Variants in SAP130 observed in about 807,000 individuals in gnomAD.
SAP130 encodes the protein Sin3A associated protein 130, also known as histone deacetylase complex subunit SAP130.
In SAP130, 16 loss-of-function variants were observed where a neutral mutation model predicts 103.2. The ratio of observed to expected loss-of-function variants is 0.16; its 90% CI spans 0.10 to 0.24. The LOEUF (loss-of-function observed/expected upper bound fraction) is 0.24. Ranked by LOEUF, SAP130 falls within the 10% of genes least tolerant of loss-of-function variation. The pLI, the probability that SAP130 is intolerant of heterozygous loss-of-function variation, is 1.00. For synonymous variants in SAP130, 477 were observed against 497.0 expected (o/e 0.96, Z 0.53); for missense variants, 990 against 1,359.7 (o/e 0.73, Z 4.28).
chr2:127,947,769 T>TGTGTGA lies in SAP130; in HGVS notation c.2797+2099_2797+2100insTCACAC, dbSNP rs200856435. 3.0e-4 allele frequency among the ~76,000 whole-genome samples: 44 copies of TGTGTGA among 147,744 alleles called. 1 individual carries two copies. Among genetic ancestry groups the TGTGTGA allele is most frequent in the African/African-American group, 5.3e-4 (20 of 37,892 alleles). ...TAATTTTGTATTGTGTGTGTCTGTG[T>TGTGTGA]GTGTGTGTGTGTGTGTGTGTGTGTG... On this transcript the variant is annotated intron_variant, in intron 18 of 20. Coordinates refer to ENST00000643581, the MANE Select transcript of SAP130 (RefSeq NM_001330301.2).
rs540646127 is a variant in SAP130 at position 127,962,851 on chromosome 2, A to T, written c.2064-7507T>A. Among the ~76,000 whole-genome samples, 294 of 152,054 alleles carry T rather than the reference A, an allele frequency of 1.9e-3. 3 individuals carry two copies. The highest frequency in any genetic ancestry group is 6.7e-3 in the African/African-American group (277 of 41,492). Reference sequence around the variant, plus strand: ...TATGTAACAAACCTGCACGTTGTGCACATGTACCCTAAAACTTAAAGTATA... The same window carrying T: ...TATGTAACAAACCTGCACGTTGTGCTCATGTACCCTAAAACTTAAAGTATA... On this transcript the variant is annotated intron_variant, in intron 15 of 20. Transcript: ENST00000643581.
At chr2:127,958,008 C>A (rs953503959) in intron 15 of SAP130, among the ~76,000 whole-genome samples, 4 of 152,184 alleles carry the variant, frequency 2.6e-5, no homozygotes, top group Non-Finnish European at 5.9e-5. Context: ...ACTGAAGAGA[C>A]CACTGAGTAT....
chr2:127,957,674 T>TA (rs80302590), intron 15 of SAP130, among the ~76,000 whole-genome samples: 202 of 141,258 alleles, frequency 1.4e-3, no homozygotes, highest in Middle Eastern at 3.6e-3. Context: ...CCCTGCCTCT[T>TA]AAAAAAAAAA....
At chr2:128,008,096 C>T (rs190010327) in intron 7 of SAP130, among the ~76,000 whole-genome samples, 7 of 152,300 alleles carry the variant, frequency 4.6e-5, no homozygotes, top group Admixed American at 2.6e-4. Flanking sequence ...AGTGGTGCCC[C>T]GCCAGCTTCT....
chr2:127,987,828 T>A (rs1158962089), intron 13 of SAP130, among the ~76,000 whole-genome samples: 1 of 152,148 alleles, frequency 6.6e-6, no homozygotes, highest in Non-Finnish European at 1.5e-5. Flanking sequence ...AGAAACACAT[T>A]CAACTAACAG....
chr2:127,970,313 C>T (rs933574560), intron 15 of SAP130, among the ~76,000 whole-genome samples: 3 of 145,338 alleles, frequency 2.1e-5, no homozygotes, highest in Non-Finnish European at 3.0e-5. Context: ...GAGGCCGAGG[C>T]GGAGGGATCA....
At chr2:127,943,733 G>A (rs1559023930) in intron 19 of SAP130, among the ~76,000 whole-genome samples, 1 of 152,238 alleles carries the variant, frequency 6.6e-6, no homozygotes, top group Non-Finnish European at 1.5e-5. Context: ...TGCTCTGTGT[G>A]AGTCAGTGGG....
intron 5 of SAP130, among the ~76,000 whole-genome samples, chr2:128,013,831 A>G (rs901310642): frequency 3.3e-5 from 5 of 152,240 alleles, no homozygotes; most frequent in African/African-American, 4.8e-5. Context: ...TCAGGAGGCT[A>G]AAGTGGGAAG....
At chr2:127,957,561 C>A (rs949140421) in intron 15 of SAP130, among the ~76,000 whole-genome samples, 2 of 151,702 alleles carry the variant, frequency 1.3e-5, no homozygotes, top group African/African-American at 2.4e-5. Context: ...GTGGTCCTAG[C>A]GACTCTGGAG....
At chr2:128,010,499 G>C (rs1684315978) in intron 6 of SAP130, 106 bp from the exon 7 acceptor site, 1 of 1,094,946 alleles carries the variant, frequency 9.1e-7, no homozygotes, top group Non-Finnish European at 1.3e-6. Context: ...GCATGTTTCT[G>C]CCCAAGTAAA....
chr2:128,003,349 A>G (rs1683709351), intron 7 of SAP130, among the ~76,000 whole-genome samples: 1 of 151,620 alleles, frequency 6.6e-6, no homozygotes, highest in Non-Finnish European at 1.5e-5. Flanking sequence ...TCTATGAAAA[A>G]TAAAACAACT....
In SAP130 at chr2:127,989,424, T is replaced by G; in HGVS notation, c.1780+140A>C. 1 of 763,968 alleles carries G rather than the reference T, an allele frequency of 1.3e-6. No homozygotes were observed. Among genetic ancestry groups the G allele is most frequent in the East Asian group, 2.7e-5 (1 of 37,058 alleles). The allele number at this position is 763,968 out of a possible 1,614,324, so 47.3% of individuals were successfully genotyped here. On this transcript the variant is annotated intron_variant, in intron 13 of 20. Coordinates refer to ENST00000643581, the MANE Select transcript of SAP130 (RefSeq NM_001330301.2). This position sits in a 1 kb window ranked among gnomAD's most constrained non-coding sequence, Gnocchi z 4.6. ...ACAGTGACCCTGAAACTCTAAGTTC[T>G]AAGCAACTCATATTATTAATACAAA...
chr2:127,993,379 C>A, intron 11 of SAP130, 71 bp from the exon 12 acceptor site: 1 of 1,483,746 alleles, frequency 6.7e-7, no homozygotes, highest in South Asian at 1.4e-5. Context: ...TCCTATACCC[C>A]AGTTCCTCTT....
intron 15 of SAP130, among the ~76,000 whole-genome samples, chr2:127,965,291 G>A (rs760567552): frequency 1.1e-4 from 17 of 151,854 alleles, no homozygotes; most frequent in African/African-American, 1.2e-4. Context: ...GCGAGACTCC[G>A]TCTCTAAACA....
intron 15 of SAP130, among the ~76,000 whole-genome samples, chr2:127,964,496 A>AC (rs1183585913): frequency 5.1e-4 from 2 of 3,894 alleles, no homozygotes; most frequent in Non-Finnish European, 2.5e-3. Context: ...CTCCATCTCA[A>AC]AAAAAAAAAA....
chr2:127,970,844 TG>T (rs1025151721), intron 15 of SAP130, among the ~76,000 whole-genome samples: 10 of 152,150 alleles, frequency 6.6e-5, no homozygotes, highest in Non-Finnish European at 1.5e-5. Context: ...AGTTGACTTT[TG>T]GGGGACACAA....
At chr2:127,981,483 T>C (rs1268130303) in intron 14 of SAP130, among the ~76,000 whole-genome samples, 3 of 90,722 alleles carry the variant, frequency 3.3e-5, no homozygotes, top group Non-Finnish European at 6.4e-5. Flanking sequence ...CACCCCCGAC[T>C]CAGCTCCCTC....
Position 128,001,417 on chromosome 2 carries a change from T to C in SAP130, c.870-963A>G, listed in dbSNP as rs1019091683. Among the ~76,000 whole-genome samples, 5 of 152,170 alleles carry C rather than the reference T, an allele frequency of 3.3e-5. 1 individual carries two copies. The highest frequency in any genetic ancestry group is 3.2e-3 in the Middle Eastern group (1 of 316). On this transcript the variant is annotated intron_variant, in intron 7 of 20. Coordinates refer to ENST00000643581, the MANE Select transcript of SAP130 (RefSeq NM_001330301.2). Reference sequence around the variant, plus strand: ...TCACTTCAGGTGACATTCAAACACATTGCCACTCTGGTTAGTGGGATCTAG... The same window carrying C: ...TCACTTCAGGTGACATTCAAACACACTGCCACTCTGGTTAGTGGGATCTAG...
chr2:127,956,836 G>A (rs996750999), intron 15 of SAP130, among the ~76,000 whole-genome samples: 3 of 152,058 alleles, frequency 2.0e-5, no homozygotes, highest in Non-Finnish European at 2.9e-5. Context: ...CTGCAAAACT[G>A]ATTGGTTGGT....
Sources: allele counts gnomAD v4.1 joint callset (sites outside exome capture counted in the v4.1 genomes callset), GRCh38; gene constraint gnomAD v4.1.1; non-coding constraint Gnocchi (gnomAD v3.1); transcripts MANE v1.5; gene names NCBI Gene and HGNC (gene_info 2026-07-23, HGNC 2026-07-21).